ITGB3BP: variants seen among roughly 807,000 people sequenced by gnomAD.
ITGB3BP encodes centromere protein R.
Under a neutral mutation model 29.1 loss-of-function variants are expected in ITGB3BP, and 27 were observed. The observed-to-expected ratio is 0.93, with a 90% CI of 0.68 to 1.28. The LOEUF is 1.28. ITGB3BP is among the 50% of genes most tolerant of loss of function. ITGB3BP has a pLI of 0.00. For missense variants in ITGB3BP, 192 were observed against 200.2 expected, an observed-to-expected ratio of 0.96 and a Z score of 0.25; for synonymous variants, 61 against 61.4, an observed-to-expected ratio of 0.99 and a Z score of 0.03.
chr1:63,518,644 T>G (rs1193955265), intron 1 of ITGB3BP, among the ~76,000 whole-genome samples: 1 of 151,772 alleles, frequency 6.6e-6, no homozygotes, highest in Non-Finnish European at 1.5e-5. Context: ...GAGTTAGGAC[T>G]TGCTTTAAAA....
At chr1:63,476,529 C>T (rs752676082) in intron 4 of ITGB3BP, among the ~76,000 whole-genome samples, 2 of 152,164 alleles carry the variant, frequency 1.3e-5, no homozygotes, top group Non-Finnish European at 2.9e-5. Context: ...CTATGTGACT[C>T]ATAACAATGA....
At chr1:63,521,405 C>T (rs1264309349) in intron 1 of ITGB3BP, among the ~76,000 whole-genome samples, 1 of 150,014 alleles carries the variant, frequency 6.7e-6, no homozygotes, top group Non-Finnish European at 1.5e-5. Context: ...TTGCTAGTTT[C>T]ACATATATAT....
chr1:63,485,642 G>T (rs1419475267), intron 3 of ITGB3BP, among the ~76,000 whole-genome samples: 1 of 151,838 alleles, frequency 6.6e-6, no homozygotes, highest in African/African-American at 2.4e-5. Context: ...AACTTATTTT[G>T]TAGTTATTTT....
chr1:63,511,275 C>T (rs1042823085), intron 1 of ITGB3BP, among the ~76,000 whole-genome samples: 4 of 151,472 alleles, frequency 2.6e-5, no homozygotes, highest in African/African-American at 9.7e-5. Flanking sequence ...CCAAACAAAA[C>T]AAAAAAAACA....
intron 1 of ITGB3BP, among the ~76,000 whole-genome samples, chr1:63,515,166 G>A (rs1436935500): frequency 6.6e-6 from 1 of 152,038 alleles, no homozygotes; most frequent in African/African-American, 2.4e-5. Flanking sequence ...GGACTAAAAT[G>A]TATCTCAAAT....
intron 3 of ITGB3BP, among the ~76,000 whole-genome samples, chr1:63,485,152 C>T (rs1570229951): frequency 6.6e-6 from 1 of 151,988 alleles, no homozygotes; most frequent in Admixed American, 6.6e-5. Context: ...ATGGCTAGAA[C>T]ATGTATGGAA....
chr1:63,442,748 T>C (rs1032594094), intron 8 of ITGB3BP: 2 of 152,174 alleles, frequency 1.3e-5, no homozygotes, highest in Non-Finnish European at 2.9e-5. Context: ...TGGCCAGAAC[T>C]TAGAAGAGTC....
intron 8 of ITGB3BP, 165 bp downstream of exon 8, chr1:63,446,641 A>G (rs1007156221): frequency 2.2e-5 from 13 of 597,264 alleles, no homozygotes; most frequent in Admixed American, 6.0e-5. Context: ...CCTGTTGTTG[A>G]TAAGACTAGA....
At chr1:63,472,026 C>T (rs547014073) in intron 4 of ITGB3BP, among the ~76,000 whole-genome samples, 15 of 150,782 alleles carry the variant, frequency 9.9e-5, no homozygotes, top group South Asian at 4.3e-4. Context: ...CCTCGTCATC[C>T]GCCCGCCTCA....
intron 2 of ITGB3BP, among the ~76,000 whole-genome samples, chr1:63,502,762 G>A (rs1320987733): frequency 6.7e-6 from 1 of 149,134 alleles, no homozygotes; most frequent in African/African-American, 2.5e-5. Flanking sequence ...AGAACACGCG[G>A]TGTTTGGTTT....
intron 4 of ITGB3BP, among the ~76,000 whole-genome samples, chr1:63,473,008 G>A (rs1280981298): frequency 2.0e-5 from 3 of 151,492 alleles, no homozygotes; most frequent in East Asian, 3.9e-4. Context: ...CTGCCCAGCC[G>A]CCATCCCATC....
intron 4 of ITGB3BP, among the ~76,000 whole-genome samples, chr1:63,456,049 G>C (rs1644931585): frequency 1.3e-5 from 2 of 152,228 alleles, no homozygotes; most frequent in East Asian, 3.9e-4. Flanking sequence ...CATTAGCCAT[G>C]TATGGCTAGT....
chr1:63,444,385 G>A (rs1644763193), intron 8 of ITGB3BP, among the ~76,000 whole-genome samples: 1 of 150,106 alleles, frequency 6.7e-6, no homozygotes, highest in Non-Finnish European at 1.5e-5. Flanking sequence ...TTGTAAAATG[G>A]TAACCTTATA....
intron 3 of ITGB3BP, among the ~76,000 whole-genome samples, chr1:63,488,113 C>T: frequency 6.6e-6 from 1 of 152,170 alleles, no homozygotes; most frequent in East Asian, 1.9e-4. Context: ...TTTATAACTA[C>T]AAATGGATTT....
At chr1:63,468,322 T>C in intron 4 of ITGB3BP, among the ~76,000 whole-genome samples, 1 of 152,184 alleles carries the variant, frequency 6.6e-6, no homozygotes, top group Non-Finnish European at 1.5e-5. Context: ...AGCCACATTA[T>C]TGGAATGGGG....
chr1:63,477,080 G>A (rs1291230674), intron 4 of ITGB3BP, among the ~76,000 whole-genome samples: 1 of 152,164 alleles, frequency 6.6e-6, no homozygotes, highest in African/African-American at 2.4e-5. Flanking sequence ...TGGAGCTGGA[G>A]GAGCAGCATG....
intron 2 of ITGB3BP, among the ~76,000 whole-genome samples, chr1:63,503,381 G>A (rs1429422510): frequency 4.0e-5 from 6 of 151,694 alleles, no homozygotes; most frequent in African/African-American, 1.5e-4. Context: ...TTGTAAATTT[G>A]TTTGAGTTCA....
At chr1:63,516,030 C>T (rs1646312018) in intron 1 of ITGB3BP, among the ~76,000 whole-genome samples, 1 of 151,216 alleles carries the variant, frequency 6.6e-6, no homozygotes, top group Non-Finnish European at 1.5e-5. Context: ...ATATATACAC[C>T]ATGGAACACT....
intron 3 of ITGB3BP, among the ~76,000 whole-genome samples, chr1:63,487,533 C>T (rs574317154): frequency 1.3e-5 from 2 of 152,138 alleles, no homozygotes; most frequent in East Asian, 3.9e-4. Flanking sequence ...TACAAACCTC[C>T]ATTGTATAAC....
Sources: allele counts gnomAD v4.1 joint callset (sites outside exome capture counted in the v4.1 genomes callset), GRCh38; gene constraint gnomAD v4.1.1; transcripts MANE v1.5; gene names NCBI Gene and HGNC (gene_info 2026-07-23, HGNC 2026-07-21).